The following BMP8B variants were observed in gnomAD, a reference collection of about 807,000 sequenced individuals.
The protein encoded by BMP8B is bone morphogenetic protein 8b.
Under a neutral mutation model 30.3 loss-of-function variants are expected in BMP8B, and 17 were observed. That is an observed-to-expected ratio of 0.56 (90% CI 0.38 to 0.84). The LOEUF is 0.84. BMP8B is among the 40% of genes least tolerant of loss of function. BMP8B has a pLI of 0.00. For synonymous variants in BMP8B, 131 were observed against 214.7 expected (o/e 0.61, Z 3.41); for missense variants, 253 against 494.6 (o/e 0.51, Z 4.63).
In BMP8B at chr1:39,775,091, G is replaced by A. The variant is rs568563065; in HGVS notation, c.335-53C>T. On this transcript the variant is annotated intron_variant, in intron 1 of 6. Transcript: ENST00000372827. ...CACTCAGAATGGCTCGGGCTCTGGA[G>A]GGGGCAGAGCTGGTGTGAGCCACCG... is the stretch of plus-strand genomic sequence containing the variant. The A allele has an allele frequency of 6.0e-6, 9 of 1,498,242 alleles. No individual in the cohort carries two copies. The South Asian group carries it at 8.6e-5, about 14-fold the overall frequency. The allele number at this position is 1,498,242 out of a possible 1,614,324, so 92.8% of individuals were successfully genotyped here. A position where few individuals can be genotyped will look rare whatever the true frequency, so the allele number is the denominator to read the frequency against.
intron 3 of BMP8B, among the ~76,000 whole-genome samples, chr1:39,765,956 G>A (rs1357681481): frequency 2.0e-5 from 3 of 148,644 alleles, no homozygotes; most frequent in Non-Finnish European, 3.0e-5. Flanking sequence ...GACTGCTTGA[G>A]CCTGGGAGGT....
At chr1:39,766,345 T>C (rs1230417226) in intron 3 of BMP8B, among the ~76,000 whole-genome samples, 5 of 145,452 alleles carry the variant, frequency 3.4e-5, no homozygotes, top group Non-Finnish European at 6.0e-5. Flanking sequence ...CTCCATGTTA[T>C]AAGCACAGAT....
intron 1 of BMP8B, among the ~76,000 whole-genome samples, chr1:39,779,937 G>A (rs542512158): frequency 4.5e-4 from 58 of 129,758 alleles, no homozygotes; most frequent in African/African-American, 1.7e-3. Context: ...TGAGGTCACA[G>A]TCAAGCTGTC....
intron 1 of BMP8B, among the ~76,000 whole-genome samples, chr1:39,778,067 G>T: frequency 6.6e-6 from 1 of 152,270 alleles, no homozygotes; most frequent in East Asian, 1.9e-4. Flanking sequence ...GGGTGGACAT[G>T]GGAGGCTCGC....
At chr1:39,777,803 T>G (rs1810965) in intron 1 of BMP8B, among the ~76,000 whole-genome samples, 53,373 of 151,668 alleles carry the variant, frequency 0.35, 10,595 homozygotes, top group African/African-American at 0.55. Context: ...GGCCCTCCCT[T>G]CGCTGGCCCT....
chr1:39,768,722 A>G lies in BMP8B; in HGVS notation c.674-3905T>C, dbSNP rs575616980. On this transcript the variant is annotated intron_variant, in intron 3 of 6. Transcript: ENST00000372827. ...ATATATATACAAAAATTAGCTAGGCATGGTGGCACATGCCTGTAATCCCAG... is the reference window on the plus strand; with the variant it reads ...ATATATATACAAAAATTAGCTAGGCGTGGTGGCACATGCCTGTAATCCCAG... 2.1e-3 allele frequency among the ~76,000 whole-genome samples: 308 copies of G among 149,338 alleles called. 5 individuals carry two copies. The highest frequency in any genetic ancestry group is 3.5e-3 in the Non-Finnish European group (238 of 67,450).
chr1:39,780,661 G>A (rs1411728858), intron 1 of BMP8B, among the ~76,000 whole-genome samples: 1 of 152,272 alleles, frequency 6.6e-6, no homozygotes, highest in African/African-American at 2.4e-5. Flanking sequence ...GGAGGCCAAT[G>A]TGGATGGATG....
At chr1:39,771,609 A>G (rs975280084) in intron 3 of BMP8B, among the ~76,000 whole-genome samples, 8 of 150,278 alleles carry the variant, frequency 5.3e-5, no homozygotes, top group Non-Finnish European at 8.9e-5. Flanking sequence ...CAGCTTCCCC[A>G]GCTCATTAAA....
At chr1:39,768,959 G>T (rs1323152529) in intron 3 of BMP8B, among the ~76,000 whole-genome samples, 1 of 150,514 alleles carries the variant, frequency 6.6e-6, no homozygotes, top group Non-Finnish European at 1.5e-5. Flanking sequence ...CAAGTGGATC[G>T]CTTGAGCTCA....
At chr1:39,786,874 A>G (rs140077132) in intron 1 of BMP8B, among the ~76,000 whole-genome samples, 4,055 of 152,338 alleles carry the variant, frequency 0.027, 102 homozygotes, top group East Asian at 0.12. Flanking sequence ...CGGGAAGCAG[A>G]GGCTTGGCCA....
intron 1 of BMP8B, among the ~76,000 whole-genome samples, chr1:39,780,710 C>T (rs1650577239): frequency 6.6e-6 from 1 of 152,220 alleles, no homozygotes; most frequent in South Asian, 2.1e-4. Context: ...TGGGCAACAT[C>T]ATGAGACCTC....
chr1:39,762,682 CTG>C (rs1263259646), intron 6 of BMP8B: 12 of 1,503,880 alleles, frequency 8.0e-6, no homozygotes, highest in South Asian at 5.2e-5. Context: ...ACCCCACACA[CTG>C]TGCACACATA....
chr1:39,760,174 T>G lies in BMP8B; in HGVS notation c.*245A>C. 1.5e-6 allele frequency: 1 copy of G among 646,010 alleles called. No individual in the cohort carries two copies. Among genetic ancestry groups the G allele is most frequent in the Non-Finnish European group, 2.5e-6 (1 of 393,144 alleles). 40.0% of individuals were successfully genotyped at this position (646,010 alleles called of 1,614,324 possible). ...ATGCCTCCGGGAGAGGCGTTTGCAT[T>G]TGGGTAGAACACTGCCTGATGATTG... On this transcript the variant is annotated 3_prime_UTR_variant, in exon 7 of 7. Transcript: ENST00000372827.
chr1:39,779,163 C>T (rs1320861377), intron 1 of BMP8B, among the ~76,000 whole-genome samples: 1 of 152,156 alleles, frequency 6.6e-6, no homozygotes, highest in Non-Finnish European at 1.5e-5. Flanking sequence ...AACAGACACC[C>T]GAGAATGCCC....
At chr1:39,760,924 G>A (rs1272601176) in intron 6 of BMP8B, among the ~76,000 whole-genome samples, 2 of 152,056 alleles carry the variant, frequency 1.3e-5, no homozygotes, top group Non-Finnish European at 2.9e-5. Flanking sequence ...GTCCCCAAGG[G>A]GGAGCCTGGA....
intron 1 of BMP8B, among the ~76,000 whole-genome samples, chr1:39,785,502 G>A (rs1161879501): frequency 6.6e-6 from 1 of 152,228 alleles, no homozygotes; most frequent in Non-Finnish European, 1.5e-5. Flanking sequence ...AGCCATGGTG[G>A]GAGGCCTATG....
intron 6 of BMP8B, chr1:39,761,424 A>AACCCCCCCCC (rs1648958063): frequency 8.8e-6 from 1 of 113,144 alleles, no homozygotes; most frequent in African/African-American, 3.4e-5. Flanking sequence ...TTCCACCACC[A>AACCCCCCCCC]CCCCCACCCC....
In BMP8B at chr1:39,764,803, G is replaced by C. The variant is rs1277086846; in HGVS notation, c.688C>G (p.Pro230Ala). The C allele has an allele frequency of 6.2e-7, 1 of 1,612,304 alleles. No individual in the cohort carries two copies. Among genetic ancestry groups the C allele is most frequent in the Non-Finnish European group, 8.5e-7 (1 of 1,179,348 alleles). Residue 230 changes from proline to alanine, a missense_variant, in exon 4 of 7, where the codon CCT becomes GCT. This residue lies in a region of BMP8B where 0 missense variants were observed against 63.3 expected (regional missense o/e 0.00). Coordinates refer to ENST00000372827, the MANE Select transcript of BMP8B (RefSeq NM_001720.5). ...TGACCCAGCAGGCCGGCCAGGCCAG[G>C]ATCCACGCTGTGCCCTGAGACAGAA... Reference protein sequence around the residue: ...VETEDGHSVDPGLAGLLGQRA... With the variant: ...VETEDGHSVDAGLAGLLGQRA...
In BMP8B at chr1:39,788,368, C is replaced by A; in HGVS notation, c.118G>T (p.Glu40Ter). 8.8e-7 allele frequency: 1 copy of A among 1,134,566 alleles called. No homozygotes were observed. Among genetic ancestry groups the A allele is most frequent in the East Asian group, 4.8e-5 (1 of 20,868 alleles). 70.3% of individuals were successfully genotyped at this position (1,134,566 alleles called of 1,614,324 possible). Reference protein sequence around the residue: ...GCPQRRLGARERRDVQREILA... With the variant: ...GCPQRRLGAR ...ATCTCGCGCTGCACGTCCCGGCGCT[C>A]GCGCGCGCCCAGACGTCGCTGGGGA... The change falls in exon 1 of 7, where the codon GAG (glutamate) becomes TAG (stop). Residue 40 changes from glutamate to a stop codon, truncating the protein, a stop_gained. Transcript: ENST00000372827. LOFTEE classifies it high-confidence loss of function. The surrounding 1 kb of genome is among the most constrained non-coding windows in gnomAD (Gnocchi z 5.8).
Sources: gnomAD v4.1 joint callset for allele counts (sites outside exome capture counted in the v4.1 genomes callset) on GRCh38, gnomAD v4.1.1 for gene constraint, gnomAD v4.1.1 regional missense constraint, Gnocchi (gnomAD v3.1) non-coding constraint, MANE v1.5 for transcripts, NCBI Gene and HGNC (gene_info 2026-07-23, HGNC 2026-07-21) for gene names.